RSPO2: variants seen among roughly 807,000 people sequenced by gnomAD.
RSPO2 encodes the protein R-spondin-2.
Under a neutral mutation model 30.9 loss-of-function variants are expected in RSPO2, and 14 were observed. That is an observed-to-expected ratio of 0.45 (90% CI 0.30 to 0.71). The LOEUF (loss-of-function observed/expected upper bound fraction) is 0.71, where lower values mean the gene tolerates loss of function less well. Ranked by LOEUF, RSPO2 falls within the 30% of genes least tolerant of loss-of-function variation. The pLI is 0.08. For missense variants in RSPO2, 264 were observed against 301.9 expected, an observed-to-expected ratio of 0.87 and a Z score of 0.93; for synonymous variants, 107 against 96.4, an observed-to-expected ratio of 1.11 and a Z score of -0.64.
chr8:108,032,166 AAAAT>A (rs2130636979), intron 2 of RSPO2, among the ~76,000 whole-genome samples: 1 of 152,380 alleles, frequency 6.6e-6, no homozygotes, highest in South Asian at 2.1e-4. Flanking sequence ...TTAAAAAAGA[AAAAT>A]AATAGGAAAA....
chr8:108,079,436 G>A (rs11994060), intron 2 of RSPO2, among the ~76,000 whole-genome samples: 6,338 of 152,170 alleles, frequency 0.042, 412 homozygotes, highest in African/African-American at 0.14. Flanking sequence ...CAAAAGTAGA[G>A]ACGGTCAAAA....
chr8:107,958,749 C>T (rs1246288644), intron 4 of RSPO2, among the ~76,000 whole-genome samples: 3 of 152,114 alleles, frequency 2.0e-5, no homozygotes, highest in Non-Finnish European at 4.4e-5. Flanking sequence ...GCCATGTGCC[C>T]ATGTGTTCCC....
intron 3 of RSPO2, among the ~76,000 whole-genome samples, chr8:107,978,350 C>T (rs920647596): frequency 2.0e-5 from 3 of 152,052 alleles, no homozygotes; most frequent in Admixed American, 2.0e-4. Context: ...TTGATTGAAC[C>T]CAGGAGGCAG....
At position 107,957,237 on chromosome 8, in the gene RSPO2, G is replaced by A. The variant is rs888511497; in HGVS notation, c.616+843C>T. Among the ~76,000 whole-genome samples, 9 of 152,194 alleles carry A rather than the reference G, an allele frequency of 5.9e-5. No homozygotes were observed. The East Asian group carries it at 1.7e-3, about 29-fold the overall frequency. ...AAGAATGAAGGCAAACAAAAGTTAT[G>A]ATTCTTTTACAGAGCAGTTTTCCAA... On this transcript the variant is annotated intron_variant, in intron 5 of 5. Transcript: ENST00000276659.
chr8:108,060,697 C>A (rs1331311662), intron 2 of RSPO2, among the ~76,000 whole-genome samples: 2 of 151,686 alleles, frequency 1.3e-5, no homozygotes, highest in African/African-American at 4.9e-5. Context: ...CACAAAGATA[C>A]CCCTCGAGGA....
intron 3 of RSPO2, among the ~76,000 whole-genome samples, chr8:107,961,250 G>A (rs1813618037): frequency 6.6e-6 from 1 of 152,180 alleles, no homozygotes; most frequent in African/African-American, 2.4e-5. Context: ...TTTTTAAAAT[G>A]TTTTAAAATG....
chr8:107,948,889 A>G (rs1295080398), intron 5 of RSPO2, among the ~76,000 whole-genome samples: 1 of 151,656 alleles, frequency 6.6e-6, no homozygotes, highest in African/African-American at 2.4e-5. Flanking sequence ...AAATAAATAA[A>G]AATCTATTTA....
chr8:107,939,968 G>A (rs1341291823), intron 5 of RSPO2, among the ~76,000 whole-genome samples: 1 of 152,032 alleles, frequency 6.6e-6, no homozygotes, highest in Non-Finnish European at 1.5e-5. Flanking sequence ...CAACAGATCT[G>A]AACTGATGCC....
At chr8:107,907,826 TA>T (rs1185406785) in intron 5 of RSPO2, among the ~76,000 whole-genome samples, 3 of 152,162 alleles carry the variant, frequency 2.0e-5, no homozygotes, top group African/African-American at 2.4e-5. Flanking sequence ...AAAGTTACCA[TA>T]TTTTTTTATC....
At position 108,003,311 on chromosome 8, in the gene RSPO2, A is replaced by T. The variant is rs983380673; in HGVS notation, c.95-14067T>A. ...TATATATATATATATATATATATAT[A>T]TTTTTTTTTTTTTTTTTTTTTTTTT... On this transcript the variant is annotated intron_variant, in intron 2 of 5. Transcript: ENST00000276659. Among the ~76,000 whole-genome samples the T allele has an allele frequency of 9.4e-3, 270 of 28,804 alleles. 1 individual carries two copies. The highest frequency in any genetic ancestry group is 0.029 in the East Asian group (19 of 654). 18.9% of individuals were successfully genotyped at this position (28,804 alleles called of 152,430 possible).
At chr8:107,908,012 A>G (rs184536858) in intron 5 of RSPO2, among the ~76,000 whole-genome samples, 1 of 152,280 alleles carries the variant, frequency 6.6e-6, no homozygotes, top group East Asian at 1.9e-4. Context: ...AACCCTGAAG[A>G]TCACCTGAAC....
chr8:107,992,503 A>G (rs1395329911), intron 2 of RSPO2, among the ~76,000 whole-genome samples: 1 of 152,156 alleles, frequency 6.6e-6, no homozygotes, highest in African/African-American at 2.4e-5. Context: ...GAAAACCCCC[A>G]TGACACAAGT....
At chr8:108,047,963 A>G (rs1402523039) in intron 2 of RSPO2, among the ~76,000 whole-genome samples, 6 of 151,962 alleles carry the variant, frequency 3.9e-5, no homozygotes, top group Non-Finnish European at 7.4e-5. Flanking sequence ...ATTTTTCTCT[A>G]TTCTTTAGAG....
intron 5 of RSPO2, among the ~76,000 whole-genome samples, chr8:107,904,957 A>G (rs1811591241): frequency 6.6e-6 from 1 of 152,252 alleles, no homozygotes; most frequent in South Asian, 2.1e-4. Flanking sequence ...ACTCTTCTGC[A>G]GAGAAATATG....
chr8:108,058,247 A>T (rs1812321095), intron 2 of RSPO2, among the ~76,000 whole-genome samples: 1 of 152,228 alleles, frequency 6.6e-6, no homozygotes, highest in African/African-American at 2.4e-5. Flanking sequence ...TCCCATTCAC[A>T]ATTGCTTCAA....
intron 2 of RSPO2, among the ~76,000 whole-genome samples, chr8:108,044,791 C>A (rs1811864369): frequency 6.6e-6 from 1 of 152,104 alleles, no homozygotes; most frequent in Non-Finnish European, 1.5e-5. Context: ...AACTGCTTTC[C>A]ACAGTGGCTA....
intron 2 of RSPO2, among the ~76,000 whole-genome samples, chr8:108,076,759 GA>G (rs911503407): frequency 2.0e-3 from 305 of 150,076 alleles, no homozygotes; most frequent in Middle Eastern, 3.4e-3. Flanking sequence ...GAAGCTGAAA[GA>G]AAAAAAAAGA....
At chr8:108,020,221 C>T (rs1206709336) in intron 2 of RSPO2, among the ~76,000 whole-genome samples, 1 of 152,112 alleles carries the variant, frequency 6.6e-6, no homozygotes, top group East Asian at 1.9e-4. Context: ...GCTCTTATCA[C>T]TCTTCATTCT....
At chr8:108,002,859 T>G (rs60145126) in intron 2 of RSPO2, among the ~76,000 whole-genome samples, 12,825 of 152,180 alleles carry the variant, frequency 0.084, 877 homozygotes, top group African/African-American at 0.18. Context: ...AAAGATAATT[T>G]TTTTAATTGC....
Sources: allele counts gnomAD v4.1 joint callset (sites outside exome capture counted in the v4.1 genomes callset), GRCh38; gene constraint gnomAD v4.1.1; transcripts MANE v1.5; gene names NCBI Gene and HGNC (gene_info 2026-07-23, HGNC 2026-07-21).